The following GRHL2 variants were observed in gnomAD, a reference collection of about 807,000 sequenced individuals.
GRHL2 encodes the protein grainyhead-like protein 2 homolog.
A neutral mutation model predicts 83.8 loss-of-function variants in GRHL2; 21 were observed. The observed-to-expected ratio is 0.25, with a 90% CI of 0.18 to 0.36. GRHL2 has a LOEUF of 0.36. GRHL2 is among the 10% of genes least tolerant of loss of function. The pLI is 1.00. For missense variants in GRHL2, 623 were observed against 781.8 expected, an observed-to-expected ratio of 0.80 and a Z score of 2.42; for synonymous variants, 280 against 278.9, an observed-to-expected ratio of 1.00 and a Z score of -0.04.
At position 101,667,107 on chromosome 8, in the gene GRHL2, A is replaced by ATATC. The variant is rs760023818; in HGVS notation, c.*410_*413dup. 1.6e-4 allele frequency: 45 copies of ATATC among 282,582 alleles called. No homozygotes were observed. Among genetic ancestry groups the ATATC allele is most frequent in the Admixed American group, 4.3e-4 (10 of 23,182 alleles). The allele number at this position is 282,582 out of a possible 1,614,324, so 17.5% of individuals were successfully genotyped here. On this transcript the variant is annotated 3_prime_UTR_variant, in exon 16 of 16. Coordinates refer to ENST00000646743, the MANE Select transcript of GRHL2 (RefSeq NM_024915.4). ...CCCATCCCTTCTCTCTCACCCCTCC[A>ATATC]TATCTATCTCCCGAGTGGCTGGACA...
chr8:101,556,104 T>C (rs1349700875), intron 3 of GRHL2, among the ~76,000 whole-genome samples: 2 of 152,190 alleles, frequency 1.3e-5, no homozygotes, highest in Admixed American at 6.5e-5. Flanking sequence ...ATTACATGCA[T>C]GTGCCACCAC....
intron 1 of GRHL2, among the ~76,000 whole-genome samples, chr8:101,542,333 TG>T (rs1051193288): frequency 4.6e-5 from 7 of 152,120 alleles, no homozygotes; most frequent in African/African-American, 1.7e-4. Context: ...CCTTGCACTC[TG>T]GGAGGCCCAG....
rs1813098883 is a variant in GRHL2 at position 101,627,273 on chromosome 8, G to T, written c.1258-4364G>T. On this transcript the variant is annotated intron_variant, in intron 9 of 15. Transcript: ENST00000646743. ...GTCAGCTCCATTTTGCCAACAGCAT[G>T]TGTTCTTGTCTCCGTGTCACATTTT... Among the ~76,000 whole-genome samples, 3 of 152,016 alleles carry T rather than the reference G, an allele frequency of 2.0e-5. No homozygotes were observed. The South Asian group carries it at 6.2e-4, about 32-fold the overall frequency.
intron 7 of GRHL2, among the ~76,000 whole-genome samples, chr8:101,579,910 G>T (rs1286603627): frequency 6.6e-6 from 1 of 152,162 alleles, no homozygotes; most frequent in Non-Finnish European, 1.5e-5. Flanking sequence ...GAGAGTGCGT[G>T]GGCCGTACAT....
chr8:101,527,544 G>GTTT (rs1810833736), intron 1 of GRHL2, among the ~76,000 whole-genome samples: 2 of 152,078 alleles, frequency 1.3e-5, no homozygotes, highest in Non-Finnish European at 2.9e-5. Context: ...CCTCTCAGGT[G>GTTT]TTTTATTTTA....
chr8:101,599,219 T>A, intron 8 of GRHL2, 68 bp downstream of exon 8: 1 of 1,044,906 alleles, frequency 9.6e-7, no homozygotes, highest in South Asian at 1.3e-5. Flanking sequence ...TATTCTTTTT[T>A]AAAAGCCTGT....
At chr8:101,677,425 C>T in the GRHL2 span, among the ~76,000 whole-genome samples, 2 of 151,636 alleles carry the variant, frequency 1.3e-5, no homozygotes, top group Non-Finnish European at 2.9e-5. Flanking sequence ...CCATCTCCAC[C>T]CCCACGCCTA....
the GRHL2 span, among the ~76,000 whole-genome samples, chr8:101,680,633 GCAC>G: frequency 3.2e-5 from 4 of 124,184 alleles, no homozygotes; most frequent in African/African-American, 1.3e-4. Flanking sequence ...ATTTTTTTCA[GCAC>G]CACACCACAC....
intron 4 of GRHL2, chr8:101,561,980 G>T (rs758431175): frequency 4.2e-6 from 3 of 707,038 alleles, no homozygotes; most frequent in Non-Finnish European, 7.6e-6. Context: ...GTACATAAAA[G>T]AAATGGTTAC....
chr8:101,635,175 C>T (rs1225184313), intron 11 of GRHL2, among the ~76,000 whole-genome samples: 1 of 152,166 alleles, frequency 6.6e-6, no homozygotes, highest in African/African-American at 2.4e-5. Flanking sequence ...ATTCGGATTC[C>T]TGAGTTCCAT....
At chr8:101,582,502 C>T (rs1324781274) in intron 7 of GRHL2, among the ~76,000 whole-genome samples, 1 of 152,028 alleles carries the variant, frequency 6.6e-6, no homozygotes, top group Non-Finnish European at 1.5e-5. Flanking sequence ...TAAAAGAAAC[C>T]CTGATTAAGC....
chr8:101,594,770 A>C (rs1812357305), intron 7 of GRHL2, among the ~76,000 whole-genome samples: 1 of 152,246 alleles, frequency 6.6e-6, no homozygotes, highest in Non-Finnish European at 1.5e-5. Flanking sequence ...CCATCCATTC[A>C]TTCACTCAAC....
intron 14 of GRHL2, among the ~76,000 whole-genome samples, chr8:101,652,354 GTGTGGTGTGTGTGTGTCTGAT>G (rs1813650693): frequency 1.0e-5 from 1 of 97,598 alleles, no homozygotes; most frequent in Non-Finnish European, 1.9e-5. Context: ...TGTGTGGTGT[GTGTGGTGTGTGTGTGTCTGAT>G]GTGTGTGTGG....
chr8:101,629,767 G>T (rs1813149314), intron 9 of GRHL2, among the ~76,000 whole-genome samples: 1 of 152,038 alleles, frequency 6.6e-6, no homozygotes, highest in African/African-American at 2.4e-5. Context: ...GTATTTTGAA[G>T]AACCCCTTTG....
intron 4 of GRHL2, among the ~76,000 whole-genome samples, chr8:101,564,068 G>A (rs1388666153): frequency 2.0e-5 from 3 of 152,134 alleles, no homozygotes; most frequent in Non-Finnish European, 4.4e-5. Flanking sequence ...TGTATTTTGG[G>A]CTTTATTTTG....
chr8:101,556,972 C>A (rs1047523207), intron 3 of GRHL2, among the ~76,000 whole-genome samples: 7 of 151,914 alleles, frequency 4.6e-5, no homozygotes, highest in Middle Eastern at 3.4e-3. Context: ...TGTAATAAAC[C>A]CCCCAAATAC....
At chr8:101,536,647 G>A (rs189010899) in intron 1 of GRHL2, among the ~76,000 whole-genome samples, 2 of 152,282 alleles carry the variant, frequency 1.3e-5, no homozygotes, top group African/African-American at 2.4e-5. Context: ...ATATTAAAAC[G>A]GTACATAAGG....
At chr8:101,615,684 T>G (rs683157) in intron 8 of GRHL2, among the ~76,000 whole-genome samples, 141,052 of 152,188 alleles carry the variant, frequency 0.93, 66,074 homozygotes, top group Non-Finnish European at 1. Context: ...TCCCTGAAAA[T>G]TATACTTTTT....
At chr8:101,571,796 G>A (rs1364722245) in intron 5 of GRHL2, among the ~76,000 whole-genome samples, 3 of 152,100 alleles carry the variant, frequency 2.0e-5, no homozygotes, top group African/African-American at 7.2e-5. Context: ...ATTCCTGGGG[G>A]CAGGAAGCGG....
Sources: gnomAD v4.1 joint callset for allele counts (sites outside exome capture counted in the v4.1 genomes callset) on GRCh38, gnomAD v4.1.1 for gene constraint, MANE v1.5 for transcripts, NCBI Gene and HGNC (gene_info 2026-07-23, HGNC 2026-07-21) for gene names.